The following ICAM1 variants were observed in gnomAD, a reference collection of about 807,000 sequenced individuals.
ICAM1 encodes ICAM-1.
In ICAM1, 28 loss-of-function variants were observed where a neutral mutation model predicts 42.3. That is an observed-to-expected ratio of 0.66 (90% CI 0.49 to 0.91). The LOEUF is 0.91. Among genes scored for constraint, ICAM1 ranks in the 40% least tolerant of loss-of-function variants. The pLI is 0.00. For missense variants in ICAM1, 637 were observed against 688.6 expected, an observed-to-expected ratio of 0.93 and a Z score of 0.84; for synonymous variants, 304 against 305.9, an observed-to-expected ratio of 0.99 and a Z score of 0.07.
At chr19:10,279,865 TA>T (rs5827095) in intron 2 of ICAM1, among the ~76,000 whole-genome samples, 78,292 of 142,270 alleles carry the variant, frequency 0.55, 21,538 homozygotes, top group Middle Eastern at 0.69. Context: ...ACACTGCCCC[TA>T]AAAAAAAAAA....
chr19:10,278,548 C>CTTGTTTTTTTTTT (rs2040032361), intron 2 of ICAM1, among the ~76,000 whole-genome samples: 1 of 41,746 alleles, frequency 2.4e-5, no homozygotes. Context: ...CCTGATAGGT[C>CTTGTTTTTTTTTT]TTTTTTTTTT....
chr19:10,280,570 T>TTTTG (rs897986599), intron 2 of ICAM1, among the ~76,000 whole-genome samples: 2 of 151,434 alleles, frequency 1.3e-5, no homozygotes, highest in South Asian at 4.2e-4. Context: ...CTTTGGTGTT[T>TTTTG]TTTGTTTGTT....
In ICAM1 at chr19:10,273,939, G is replaced by A. The variant is rs527789067; in HGVS notation, c.68-826G>A. Among the ~76,000 whole-genome samples the A allele has an allele frequency of 3.3e-5, 5 of 152,074 alleles. No homozygotes were observed. The South Asian group carries it at 1.0e-3, about 32-fold the overall frequency. On this transcript the variant is annotated intron_variant, in intron 1 of 6. Coordinates refer to ENST00000264832, the MANE Select transcript of ICAM1 (RefSeq NM_000201.3). ...TGAGGCAGGAGAATCACTTGAACCC[G>A]GGAGGCAAAGGTTGCAGTGAGCTGA...
chr19:10,281,513 C>T (rs1034003926), intron 2 of ICAM1, among the ~76,000 whole-genome samples: 3 of 152,000 alleles, frequency 2.0e-5, no homozygotes, highest in African/African-American at 4.8e-5. Flanking sequence ...ACCATGACTA[C>T]AATCTAATTT....
chr19:10,279,242 G>A (rs935078747), intron 2 of ICAM1, among the ~76,000 whole-genome samples: 4 of 152,210 alleles, frequency 2.6e-5, no homozygotes, highest in Middle Eastern at 6.8e-3. Context: ...GGCAGGAGGA[G>A]GAGGAGGTAG....
rs1568295648 is a variant in ICAM1, at chr19:10,284,575, G to A, written c.1098G>A (p.Gly366=). Residue 366 remains glycine, a synonymous_variant, in exon 5 of 7, where the codon GGG becomes GGA. Transcript: ENST00000264832. The surrounding 1 kb of genome is among the most constrained non-coding windows in gnomAD (Gnocchi z 5.4). ...TGAAGGCCACCCCAGAGGACAACGG[G>A]CGCAGCTTCTCCTGCTCTGCAACCC... is the stretch of plus-strand genomic sequence containing the variant. The part of the protein sequence containing the change: ...LLLKATPEDN[G]RSFSCSATLE... 1 of 1,614,176 alleles carries A rather than the reference G, an allele frequency of 6.2e-7. No individual in the cohort carries two copies. The highest frequency in any genetic ancestry group is 8.5e-7 in the Non-Finnish European group (1 of 1,180,036).
intron 2 of ICAM1, among the ~76,000 whole-genome samples, chr19:10,278,203 A>C (rs1466408737): frequency 6.6e-6 from 1 of 152,196 alleles, no homozygotes; most frequent in African/African-American, 2.4e-5. Context: ...TCTCTAAAAA[A>C]TAAAAACTGG....
intron 1 of ICAM1, among the ~76,000 whole-genome samples, chr19:10,272,560 C>CTTTTTTTTTTTTTTTTTTTT (rs1174775027): frequency 5.3e-5 from 3 of 56,132 alleles, no homozygotes; most frequent in African/African-American, 1.1e-4. Flanking sequence ...CTTTTCTTTT[C>CTTTTTTTTTTTTTTTTTTTT]TTTTTTTTTT....
chr19:10,276,644 C>T (rs1389852239), intron 2 of ICAM1, among the ~76,000 whole-genome samples: 1 of 151,632 alleles, frequency 6.6e-6, no homozygotes, highest in Non-Finnish European at 1.5e-5. Flanking sequence ...ATAAATAAGC[C>T]CAACCCTGTG....
At chr19:10,280,331 A>AT (rs2040047449) in intron 2 of ICAM1, among the ~76,000 whole-genome samples, 1 of 151,856 alleles carries the variant, frequency 6.6e-6, no homozygotes, top group Non-Finnish European at 1.5e-5. Flanking sequence ...ATATATATAT[A>AT]TATTTTTTTG....
rs201140838 is a variant in ICAM1, at chr19:10,272,324, G to A, written c.67+1098G>A. Among the ~76,000 whole-genome samples the A allele has an allele frequency of 7.9e-5, 12 of 152,190 alleles. No homozygotes were observed. In the East Asian group the frequency reaches 1.5e-3, roughly 20 times the overall value. ...TCTGATCCGGACTCAGACCCAGATC[G>A]CACTGCTTTCTAGCTGAGTAACCAT... On this transcript the variant is annotated intron_variant, in intron 1 of 6. Transcript: ENST00000264832.
Position 10,283,944 on chromosome 19 carries a change from A to C in ICAM1, c.638-89A>C, listed in dbSNP as rs113629939. On this transcript the variant is annotated intron_variant, in intron 3 of 6. Transcript: ENST00000264832. ...CTAGGCTGCTGAGTGGCCCTGGAAG[A>C]GGATCTCGCAGGAGGGGGAATGAAA... The C allele has an allele frequency of 4.0e-5, 60 of 1,503,860 alleles. No individual in the cohort carries two copies. In the African/African-American group the frequency reaches 7.6e-4, roughly 19 times the overall value. The allele number at this position is 1,503,860 out of a possible 1,614,324, so 93.2% of individuals were successfully genotyped here.
At chr19:10,276,025 G>A (rs536869474) in intron 2 of ICAM1, among the ~76,000 whole-genome samples, 24 of 150,678 alleles carry the variant, frequency 1.6e-4, no homozygotes, top group South Asian at 4.2e-4. Context: ...TGTTTCTACC[G>A]GAAAAAAAAA....
At position 10,285,161 on chromosome 19, in the gene ICAM1, C is replaced by T. The variant is rs1423820736; in HGVS notation, c.1473C>T (p.Val491=). Residue 491 remains valine, a synonymous_variant, in exon 7 of 7, where the codon GTC becomes GTT. Transcript: ENST00000264832. ...TCATCACTGTGGTAGCAGCCGCAGT[C>T]ATAATGGGCACTGCAGGCCTCAGCA... ...IVIITVVAAA[V]IMGTAGLSTY... 1.5e-5 allele frequency: 24 copies of T among 1,614,020 alleles called. No individual in the cohort carries two copies. The highest frequency in any genetic ancestry group is 1.9e-5 in the Non-Finnish European group (23 of 1,180,004).
At chr19:10,273,785 G>A (rs1360673306) in intron 1 of ICAM1, among the ~76,000 whole-genome samples, 13 of 152,018 alleles carry the variant, frequency 8.6e-5, no homozygotes, top group Non-Finnish European at 1.6e-4. Context: ...AGGCTGAGGC[G>A]GGCGGATCAC....
chr19:10,281,543 T>TA (rs1182566779), intron 2 of ICAM1, among the ~76,000 whole-genome samples: 2 of 152,024 alleles, frequency 1.3e-5, no homozygotes, highest in Non-Finnish European at 2.9e-5. Context: ...TCAATCACTC[T>TA]AAAAAAGAAA....
intron 2 of ICAM1, among the ~76,000 whole-genome samples, chr19:10,279,500 A>G (rs2040040937): frequency 6.6e-6 from 1 of 151,762 alleles, no homozygotes; most frequent in African/African-American, 2.4e-5. Flanking sequence ...TGTTTTTTTG[A>G]GATGGAGTCT....
chr19:10,280,234 G>A (rs940959695), intron 2 of ICAM1, among the ~76,000 whole-genome samples: 14 of 152,336 alleles, frequency 9.2e-5, no homozygotes, highest in African/African-American at 3.4e-4. Context: ...TTCCTCTAGG[G>A]GCTGAGGTTT....
chr19:10,274,028 TAAAAG>T (rs2040000627), intron 1 of ICAM1, among the ~76,000 whole-genome samples: 1 of 149,870 alleles, frequency 6.7e-6, no homozygotes, highest in Non-Finnish European at 1.5e-5. Context: ...AAAAAAAAAA[TAAAAG>T]AACACATCTT....
Sources: allele counts gnomAD v4.1 joint callset (sites outside exome capture counted in the v4.1 genomes callset), GRCh38; gene constraint gnomAD v4.1.1; non-coding constraint Gnocchi (gnomAD v3.1); transcripts MANE v1.5; gene names NCBI Gene and HGNC (gene_info 2026-07-23, HGNC 2026-07-21).